Variants in SPX observed in about 807,000 individuals in gnomAD.
SPX encodes spexin.
SPX carries 22 observed loss-of-function variants against 19.2 expected under a neutral mutation model. That is an observed-to-expected ratio of 1.15 (90% CI 0.82 to 1.64). The LOEUF (loss-of-function observed/expected upper bound fraction) is 1.64. SPX is among the 40% of genes most tolerant of loss of function. SPX has a pLI of 0.00. For missense variants in SPX, 143 were observed against 137.7 expected (o/e 1.04, Z -0.19); for synonymous variants, 50 against 53.3 (o/e 0.94, Z 0.27).
In SPX at chr12:21,532,300, T is replaced by A. The variant is rs1172877105; in HGVS notation, c.*1105T>A. On this transcript the variant is annotated 3_prime_UTR_variant, in exon 6 of 6. Coordinates refer to ENST00000256969, the MANE Select transcript of SPX (RefSeq NM_030572.4). ...ATAAGTGGAAAGTATTAATTCTTAT[T>A]GTCATCAGTATTTAGCCATTATTTA... 1 of 152,240 alleles carries A rather than the reference T, an allele frequency of 6.6e-6. No individual in the cohort carries two copies. Among genetic ancestry groups the A allele is most frequent in the African/African-American group, 2.4e-5 (1 of 41,462 alleles). 9.4% of individuals were successfully genotyped at this position (152,240 alleles called of 1,614,324 possible).
In SPX at chr12:21,527,202, A is replaced by G; in HGVS notation, c.145+10A>G. ...TACCTGAAAGGGGCACGTAAGTTCC[A>G]AATATTTCGCTCTTCCTACAATAAT... is the stretch of plus-strand genomic sequence containing the variant. On this transcript the variant is annotated intron_variant, in intron 3 of 5. Transcript: ENST00000256969. The G allele has an allele frequency of 6.2e-7, 1 of 1,612,206 alleles. No homozygotes were observed. The highest frequency in any genetic ancestry group is 8.5e-7 in the Non-Finnish European group (1 of 1,178,340).
At position 21,532,483 on chromosome 12, in the gene SPX, C is replaced by T. The variant is rs182572203; in HGVS notation, c.*1288C>T. On this transcript the variant is annotated 3_prime_UTR_variant, in exon 6 of 6. Coordinates refer to ENST00000256969, the MANE Select transcript of SPX (RefSeq NM_030572.4). ...AAGTTAATGTAATGTTGATCTCCGTCGAAAAATAACTTGTGAGCATTAAAA... is the reference window on the plus strand; with the variant it reads ...AAGTTAATGTAATGTTGATCTCCGTTGAAAAATAACTTGTGAGCATTAAAA... 8 of 152,040 alleles carry T rather than the reference C, an allele frequency of 5.3e-5. No individual in the cohort carries two copies. Among genetic ancestry groups the T allele is most frequent in the South Asian group, 2.1e-4 (1 of 4,810 alleles). The allele number at this position is 152,040 out of a possible 1,614,324, so 9.4% of individuals were successfully genotyped here. A position where few individuals can be genotyped will look rare whatever the true frequency, so the allele number is the denominator to read the frequency against.
Position 21,532,353 on chromosome 12 carries a change from GTCTC to G in SPX, c.*1160_*1163del, listed in dbSNP as rs1484696996. The G allele has an allele frequency of 6.6e-6, 1 of 152,148 alleles. No homozygotes were observed. The highest frequency in any genetic ancestry group is 6.6e-5 in the Admixed American group (1 of 15,260). The allele number at this position is 152,148 out of a possible 1,614,324, so 9.4% of individuals were successfully genotyped here. A position where few individuals can be genotyped will look rare whatever the true frequency, so the allele number is the denominator to read the frequency against. ...AGCTCAAGAATATCTTTATGTGAAT[GTCTC>G]TGTAACTTGGAATTGCAATTTCACT... On this transcript the variant is annotated 3_prime_UTR_variant, in exon 6 of 6. Transcript: ENST00000256969.
At chr12:21,527,539 A>G (rs1943825807) in intron 3 of SPX, 188 bp from the exon 4 acceptor site, 4 of 647,726 alleles carry the variant, frequency 6.2e-6, no homozygotes, top group East Asian at 5.5e-5. Flanking sequence ...CCAGAGCTCC[A>G]GGGCCCCTGG....
At chr12:21,529,675 AT>A (rs1256448011) in intron 5 of SPX, among the ~76,000 whole-genome samples, 2 of 152,190 alleles carry the variant, frequency 1.3e-5, no homozygotes, top group East Asian at 3.8e-4. Flanking sequence ...CTGCTATTCC[AT>A]ATCTGAAACT....
rs1943877527 is a variant in SPX, at chr12:21,532,711, T to C, written c.*1516T>C. 1 of 152,194 alleles carries C rather than the reference T, an allele frequency of 6.6e-6. No homozygotes were observed. Among genetic ancestry groups the C allele is most frequent in the Non-Finnish European group, 1.5e-5 (1 of 68,028 alleles). 9.4% of individuals were successfully genotyped at this position (152,194 alleles called of 1,614,324 possible). A position where few individuals can be genotyped will look rare whatever the true frequency, so the allele number is the denominator to read the frequency against. ...CCCATCAGACATAAAATTGTACAAATTGACTATTCAAAATAGTATGTGTAT... is the reference window on the plus strand; with the variant it reads ...CCCATCAGACATAAAATTGTACAAACTGACTATTCAAAATAGTATGTGTAT... On this transcript the variant is annotated 3_prime_UTR_variant, in exon 6 of 6. Transcript: ENST00000256969.
chr12:21,527,231 A>C, intron 3 of SPX, 39 bp downstream of exon 3: 2 of 1,568,338 alleles, frequency 1.3e-6, no homozygotes, highest in East Asian at 4.5e-5. Context: ...CAATAATGGA[A>C]GACCCCTAGG....
In SPX at chr12:21,529,006, C is replaced by G. The variant is rs946853424; in HGVS notation, c.214C>G (p.Arg72Gly). The change falls in exon 5 of 6, where the codon CGA becomes GGA. Residue 72 changes from arginine (R) to glycine (G), a missense_variant. Transcript: ENST00000256969. ...ATACATTTTTGTTTCTGCAGAAAGA[C>G]GAAGCCCAAATCCCCAACTACTAAC... is the stretch of plus-strand genomic sequence containing the variant. ...DLSDRPLPER[R>G]SPNPQLLTIP... 1 of 1,613,896 alleles carries G rather than the reference C, an allele frequency of 6.2e-7. No homozygotes were observed. The highest frequency in any genetic ancestry group is 1.7e-5 in the Admixed American group (1 of 60,008).
In SPX at chr12:21,529,100, C is replaced by T. The variant is rs1350939598; in HGVS notation, c.292+16C>T. ...TCACCAGAAGGTACTAGCATAGTGG[C>T]CTCTTTCACCTGCATAACAGAACAG... On this transcript the variant is annotated intron_variant, in intron 5 of 5. Coordinates refer to ENST00000256969, the MANE Select transcript of SPX (RefSeq NM_030572.4). 1 of 1,601,604 alleles carries T rather than the reference C, an allele frequency of 6.2e-7. No homozygotes were observed. The highest frequency in any genetic ancestry group is 1.7e-5 in the Admixed American group (1 of 59,982).
rs538072604 is a variant in SPX at position 21,526,794 on chromosome 12, A to C, written c.7-92A>C. The C allele has an allele frequency of 1.8e-4, 224 of 1,216,722 alleles. No homozygotes were observed. The African/African-American group carries it at 3.1e-3, about 17-fold the overall frequency. The allele number at this position is 1,216,722 out of a possible 1,614,324, so 75.4% of individuals were successfully genotyped here. A position where few individuals can be genotyped will look rare whatever the true frequency, so the allele number is the denominator to read the frequency against. ...ATTAAAACAGAATATTGCGAGAAGT[A>C]AGGGGGTTTATAATTGTCCAGGCGT... is the stretch of plus-strand genomic sequence containing the variant. On this transcript the variant is annotated intron_variant, in intron 1 of 5. Coordinates refer to ENST00000256969, the MANE Select transcript of SPX (RefSeq NM_030572.4).
chr12:21,531,381 A>C lies in SPX; in HGVS notation c.*186A>C, dbSNP rs1943863986. ...GAACATCATCTTCTTTCATTGCTTC[A>C]GGTCCTGTTTAGATGACCAAAAATG... On this transcript the variant is annotated 3_prime_UTR_variant, in exon 6 of 6. Coordinates refer to ENST00000256969, the MANE Select transcript of SPX (RefSeq NM_030572.4). 1 of 478,380 alleles carries C rather than the reference A, an allele frequency of 2.1e-6. No individual in the cohort carries two copies. The highest frequency in any genetic ancestry group is 4.3e-5 in the South Asian group (1 of 23,160). 29.6% of individuals were successfully genotyped at this position (478,380 alleles called of 1,614,324 possible).
intron 3 of SPX, 176 bp from the exon 4 acceptor site, chr12:21,527,551 T>G (rs1297104564): frequency 1.5e-6 from 1 of 677,378 alleles, no homozygotes. Context: ...GGCCCCTGGC[T>G]CAGCCCGGGG....
At chr12:21,531,000 T>A in intron 5 of SPX, 137 bp from the exon 6 acceptor site, 1 of 605,796 alleles carries the variant, frequency 1.7e-6, no homozygotes, top group Non-Finnish European at 2.9e-6. Flanking sequence ...ATTGTTTAAA[T>A]TTTCAGTAGC....
intron 5 of SPX, among the ~76,000 whole-genome samples, chr12:21,530,548 T>A (rs1373574453): frequency 6.6e-6 from 1 of 152,206 alleles, no homozygotes; most frequent in Non-Finnish European, 1.5e-5. Context: ...CATTCTATCC[T>A]ATTTTTAGAG....
chr12:21,528,862 T>C, intron 4 of SPX, 139 bp from the exon 5 acceptor site: 1 of 712,548 alleles, frequency 1.4e-6, no homozygotes, highest in South Asian at 1.8e-5. Context: ...AAATTAGTCT[T>C]CTGTGTAAGT....
chr12:21,528,729 A>G (rs1943837563), intron 4 of SPX, among the ~76,000 whole-genome samples: 1 of 152,216 alleles, frequency 6.6e-6, no homozygotes, highest in African/African-American at 2.4e-5. Context: ...ATTTGGCCGC[A>G]AAGGTTAAAT....
intron 4 of SPX, 28 bp from the exon 5 acceptor site, chr12:21,528,973 G>A (rs777348124): frequency 1.3e-6 from 2 of 1,572,926 alleles, no homozygotes. Flanking sequence ...AATGCTAAGA[G>A]AATCTGTATA....
chr12:21,531,013 A>C (rs557826184), intron 5 of SPX, 124 bp from the exon 6 acceptor site: 18 of 631,508 alleles, frequency 2.9e-5, no homozygotes, highest in African/African-American at 2.3e-4. Context: ...TCAGTAGCAG[A>C]GTCCATAAGT....
In SPX at chr12:21,526,374, C is replaced by T; in HGVS notation, c.-99C>T. On this transcript the variant is annotated 5_prime_UTR_variant, in exon 1 of 6. Transcript: ENST00000256969. ...AACTCTACTCCAGATGGGGAGGTGC[C>T]CTTAACACCAAGATTTTAAAAGCTC... is the stretch of plus-strand genomic sequence containing the variant. 1 of 1,208,596 alleles carries T rather than the reference C, an allele frequency of 8.3e-7. No individual in the cohort carries two copies. Among genetic ancestry groups the T allele is most frequent in the Non-Finnish European group, 1.2e-6 (1 of 851,546 alleles). The allele number at this position is 1,208,596 out of a possible 1,614,324, so 74.9% of individuals were successfully genotyped here.
Sources: allele counts gnomAD v4.1 joint callset (sites outside exome capture counted in the v4.1 genomes callset), GRCh38; gene constraint gnomAD v4.1.1; transcripts MANE v1.5; gene names NCBI Gene and HGNC (gene_info 2026-07-23, HGNC 2026-07-21).